Variants in RPP30 observed in about 807,000 individuals in gnomAD.
The protein encoded by RPP30 is ribonuclease P/MRP subunit p30.
In RPP30, 36 loss-of-function variants were observed where a neutral mutation model predicts 38.6. The observed-to-expected ratio is 0.93, with a 90% confidence interval of 0.71 to 1.23. RPP30 has a LOEUF of 1.23. Ranked by LOEUF, RPP30 falls within the 50% of genes most tolerant of loss-of-function variation. The pLI is 0.00. For synonymous variants in RPP30, 126 were observed against 112.7 expected (o/e 1.12, Z -0.75); for missense variants, 321 against 321.7 (o/e 1.00, Z 0.02).
downstream of RPP30, chr10:90,903,360 T>G (rs1465498200): frequency 1.3e-6 from 1 of 763,060 alleles, no homozygotes; most frequent in African/African-American, 1.8e-5. Context: ...ACGTCCCACC[T>G]TAATTTATGA....
At chr10:90,883,910 T>C (rs1331497775) in intron 5 of RPP30, among the ~76,000 whole-genome samples, 4 of 152,192 alleles carry the variant, frequency 2.6e-5, no homozygotes, top group African/African-American at 9.6e-5. Context: ...TGTGTATCTT[T>C]TTAGAAATAT....
At chr10:90,886,454 T>C (rs1439622236) in intron 6 of RPP30, among the ~76,000 whole-genome samples, 1 of 152,204 alleles carries the variant, frequency 6.6e-6, no homozygotes, top group Non-Finnish European at 1.5e-5. Context: ...CTATAGAATT[T>C]TTCTCATTCC....
intron 10 of RPP30, among the ~76,000 whole-genome samples, chr10:90,897,038 A>G (rs1387759539): frequency 6.6e-6 from 1 of 152,122 alleles, no homozygotes; most frequent in Non-Finnish European, 1.5e-5. Flanking sequence ...TACAGACATG[A>G]GCCACCATGC....
intron 9 of RPP30, 65 bp downstream of exon 9, chr10:90,895,982 A>G (rs1230119848): frequency 2.4e-6 from 3 of 1,233,992 alleles, no homozygotes; most frequent in South Asian, 1.3e-5. Flanking sequence ...TTGAAGTCGT[A>G]TTATAGTTGA....
At chr10:90,878,773 A>G (rs11186344) in intron 4 of RPP30, among the ~76,000 whole-genome samples, 18,163 of 152,224 alleles carry the variant, frequency 0.12, 1,487 homozygotes, top group African/African-American at 0.23. Flanking sequence ...GTTTACAGGC[A>G]TAAGCCATCA....
intron 6 of RPP30, among the ~76,000 whole-genome samples, chr10:90,889,164 T>G (rs1847040743): frequency 1.3e-5 from 2 of 152,204 alleles, no homozygotes; most frequent in African/African-American, 4.8e-5. Context: ...GAGCTGTTTG[T>G]CTACATAAAG....
chr10:90,887,041 C>G (rs1238421136), intron 6 of RPP30, among the ~76,000 whole-genome samples: 1 of 152,160 alleles, frequency 6.6e-6, no homozygotes, highest in African/African-American at 2.4e-5. Flanking sequence ...GATCATAGCT[C>G]ACTGCAGCCT....
intron 6 of RPP30, among the ~76,000 whole-genome samples, chr10:90,892,491 T>C (rs1355918848): frequency 1.3e-5 from 2 of 152,146 alleles, no homozygotes; most frequent in Non-Finnish European, 2.9e-5. Flanking sequence ...ATCCTTTTTT[T>C]CTCCCCTCCC....
chr10:90,872,155 C>G, intron 1 of RPP30, 87 bp downstream of exon 1: 2 of 1,118,578 alleles, frequency 1.8e-6, no homozygotes, highest in Non-Finnish European at 2.7e-6. Context: ...CCTGATGGGT[C>G]TCGGTCAGGT....
chr10:90,880,726 AT>A (rs201855237), intron 5 of RPP30, among the ~76,000 whole-genome samples: 29 of 151,264 alleles, frequency 1.9e-4, no homozygotes, highest in South Asian at 6.3e-4. Flanking sequence ...TCTCAAAAAA[AT>A]TTTTTTTAAA....
At chr10:90,897,542 A>G (rs922137294) in intron 10 of RPP30, among the ~76,000 whole-genome samples, 3 of 152,092 alleles carry the variant, frequency 2.0e-5, no homozygotes, top group African/African-American at 7.2e-5. Flanking sequence ...TTGAATAATG[A>G]TTTTCTTGAA....
At chr10:90,880,229 A>AAT (rs1251908152) in intron 5 of RPP30, 1 of 151,890 alleles carries the variant, frequency 6.6e-6, no homozygotes, top group Non-Finnish European at 1.5e-5. Flanking sequence ...TTTTAAGCAA[A>AAT]ATTCATTCTA....
downstream of RPP30, among the ~76,000 whole-genome samples, chr10:90,907,460 C>A (rs1242436047): frequency 2.6e-5 from 4 of 152,210 alleles, no homozygotes; most frequent in African/African-American, 7.2e-5. Context: ...ACCATTCTCA[C>A]AACTCTATAT....
chr10:90,885,678 C>T, intron 5 of RPP30, 134 bp from the exon 6 acceptor site: 1 of 641,170 alleles, frequency 1.6e-6, no homozygotes, highest in East Asian at 2.9e-5. Flanking sequence ...TGTAAAAGGT[C>T]AGATGTATTT....
chr10:90,890,693 AAAC>A (rs1847070650), intron 6 of RPP30, among the ~76,000 whole-genome samples: 1 of 152,194 alleles, frequency 6.6e-6, no homozygotes, highest in Non-Finnish European at 1.5e-5. Context: ...AAAAAAATGC[AAAC>A]AACACCAGAA....
chr10:90,889,343 C>G (rs543998078), intron 6 of RPP30, among the ~76,000 whole-genome samples: 69 of 135,312 alleles, frequency 5.1e-4, no homozygotes, highest in African/African-American at 1.9e-3. Context: ...GAGTCTCGCT[C>G]TGTCCACCCA....
chr10:90,894,546 G>C (rs1220935950), intron 6 of RPP30, among the ~76,000 whole-genome samples: 2 of 152,172 alleles, frequency 1.3e-5, no homozygotes, highest in Non-Finnish European at 2.9e-5. Flanking sequence ...TGTAAAGTCA[G>C]CTTCCCCACA....
Position 90,901,129 on chromosome 10 carries a change from C to A in RPP30, c.*450C>A. On this transcript the variant is annotated 3_prime_UTR_variant, in exon 11 of 11. Coordinates refer to ENST00000371703, the MANE Select transcript of RPP30 (RefSeq NM_006413.5). ...AGCGGGAACTACAGGTGTGCACTACCACACCTGGCTATTTTTTTTTTTTTT... is the reference window on the plus strand; with the variant it reads ...AGCGGGAACTACAGGTGTGCACTACAACACCTGGCTATTTTTTTTTTTTTT... 2 of 282,190 alleles carry A rather than the reference C, an allele frequency of 7.1e-6. No individual in the cohort carries two copies. The highest frequency in any genetic ancestry group is 1.1e-5 in the Non-Finnish European group (2 of 188,216). 17.5% of individuals were successfully genotyped at this position (282,190 alleles called of 1,614,324 possible).
intron 4 of RPP30, among the ~76,000 whole-genome samples, chr10:90,878,512 G>A (rs1469107172): frequency 6.7e-6 from 1 of 148,886 alleles, no homozygotes; most frequent in Non-Finnish European, 1.5e-5. Flanking sequence ...TTTTTTTTGA[G>A]ATGAGGTCTC....
Sources: gnomAD v4.1 joint callset for allele counts (sites outside exome capture counted in the v4.1 genomes callset) on GRCh38, gnomAD v4.1.1 for gene constraint, MANE v1.5 for transcripts, NCBI Gene and HGNC (gene_info 2026-07-23, HGNC 2026-07-21) for gene names.